Variants in UST observed in about 807,000 individuals in gnomAD.
The protein encoded by UST is uronyl 2-sulfotransferase, also known as chondroitin sulfate 2-O-sulfotransferase.
Under a neutral mutation model 45.6 loss-of-function variants are expected in UST, and 21 were observed. The ratio of observed to expected loss-of-function variants is 0.46; its 90% confidence interval spans 0.33 to 0.66. The LOEUF (loss-of-function observed/expected upper bound fraction) is 0.66. Ranked by LOEUF, UST falls within the 30% of genes least tolerant of loss-of-function variation. UST has a pLI of 0.02. For missense variants in UST, 463 were observed against 512.4 expected, an observed-to-expected ratio of 0.90 and a Z score of 0.93; for synonymous variants, 215 against 200.6, an observed-to-expected ratio of 1.07 and a Z score of -0.61.
At position 148,967,267 on chromosome 6, in the gene UST, G is replaced by A. The variant is rs148630389; in HGVS notation, c.681+2704G>A. On this transcript the variant is annotated intron_variant, in intron 5 of 7. Coordinates refer to ENST00000367463, the MANE Select transcript of UST (RefSeq NM_005715.3). The stretch of plus-strand genomic sequence containing the variant: ...AGATGAGGTCATCAGATCGATCCTT[G>A]GCAAGGCCCCAGCAGGAAAGCACTG... 2.3e-3 allele frequency among the ~76,000 whole-genome samples: 350 copies of A among 152,068 alleles called. 2 individuals carry two copies. Among genetic ancestry groups the A allele is most frequent in the African/African-American group, 7.9e-3 (328 of 41,474 alleles).
intron 1 of UST, among the ~76,000 whole-genome samples, chr6:148,802,982 T>C (rs1386866303): frequency 2.0e-5 from 3 of 152,200 alleles, no homozygotes; most frequent in Admixed American, 2.0e-4. Flanking sequence ...GGTAATTATT[T>C]TATATTATTG....
chr6:148,942,815 G>T (rs1336576718), intron 3 of UST, among the ~76,000 whole-genome samples: 6 of 152,038 alleles, frequency 3.9e-5, no homozygotes, highest in Non-Finnish European at 7.4e-5. Flanking sequence ...AGATCAAATT[G>T]CCCACTCCTT....
intron 5 of UST, among the ~76,000 whole-genome samples, chr6:149,002,245 AC>A (rs1016703232): frequency 1.3e-5 from 2 of 152,150 alleles, no homozygotes; most frequent in Non-Finnish European, 2.9e-5. Flanking sequence ...ACTCTATTAA[AC>A]CAACAGAAGA....
At position 148,748,025 on chromosome 6, in the gene UST, C is replaced by T. The variant is rs559945438; in HGVS notation, c.247+348C>T. Among the ~76,000 whole-genome samples the T allele has an allele frequency of 4.1e-3, 625 of 152,148 alleles. 12 individuals carry two copies. The highest frequency in any genetic ancestry group is 2.5e-3 in the Non-Finnish European group (172 of 67,984). On this transcript the variant is annotated intron_variant, in intron 1 of 7. Transcript: ENST00000367463. This position sits in a 1 kb window ranked among gnomAD's most constrained non-coding sequence, Gnocchi z 5.3. ...GTGCCGGAGTGTGTGTATCTTCAGGCCTGGCGGCGCGGGGAGTGGCGAAGG... is the reference window on the plus strand; with the variant it reads ...GTGCCGGAGTGTGTGTATCTTCAGGTCTGGCGGCGCGGGGAGTGGCGAAGG...
rs571632162 is a variant in UST at position 148,832,284 on chromosome 6, G to A, written c.248-54702G>A. On this transcript the variant is annotated intron_variant, in intron 1 of 7. Coordinates refer to ENST00000367463, the MANE Select transcript of UST (RefSeq NM_005715.3). ...ATTAATTGACTTTAAACCAAACACCGTAAATGTGTTCTTCCTGACTCTGAG... is the reference window on the plus strand; with the variant it reads ...ATTAATTGACTTTAAACCAAACACCATAAATGTGTTCTTCCTGACTCTGAG... 1.3e-4 allele frequency among the ~76,000 whole-genome samples: 20 copies of A among 152,240 alleles called. No homozygotes were observed. In the South Asian group the frequency reaches 2.1e-3, roughly 16 times the overall value.
chr6:149,052,119 A>G lies in UST; in HGVS notation c.938-21714A>G, dbSNP rs574160304. Among the ~76,000 whole-genome samples, 49 of 152,368 alleles carry G rather than the reference A, an allele frequency of 3.2e-4. 1 individual carries two copies. In the South Asian group the frequency reaches 4.8e-3, roughly 15 times the overall value. On this transcript the variant is annotated intron_variant, in intron 7 of 7. Coordinates refer to ENST00000367463, the MANE Select transcript of UST (RefSeq NM_005715.3). ...GAATCTTTACTTTCACTGAACCACC[A>G]GACCTTAAAATTTTATAGGAGCAGA...
intron 7 of UST, among the ~76,000 whole-genome samples, chr6:149,063,072 G>A (rs941462560): frequency 2.0e-5 from 3 of 152,196 alleles, no homozygotes; most frequent in Non-Finnish European, 2.9e-5. Context: ...GGGGCCAGCT[G>A]TTAGAAGAAT....
chr6:149,025,194 T>C (rs1258491174), intron 7 of UST, among the ~76,000 whole-genome samples: 4 of 152,248 alleles, frequency 2.6e-5, no homozygotes, highest in African/African-American at 4.8e-5. Context: ...GACAGGTTAA[T>C]AACCTTTCTC....
intron 1 of UST, among the ~76,000 whole-genome samples, chr6:148,873,141 T>C (rs1778589443): frequency 6.6e-6 from 1 of 152,236 alleles, no homozygotes; most frequent in South Asian, 2.1e-4. Context: ...CTTGCAATAA[T>C]GTGAATGGAT....
chr6:149,010,913 A>AAAAAAAAAAAAAAAAAAAAAAAAC (rs755674810), intron 5 of UST, among the ~76,000 whole-genome samples: 21 of 92,994 alleles, frequency 2.3e-4, no homozygotes, highest in African/African-American at 6.5e-4. Context: ...AAAAAAAAAA[A>AAAAAAAAAAAAAAAAAAAAAAAAC]AAAAAACTGT....
intron 1 of UST, among the ~76,000 whole-genome samples, chr6:148,751,954 A>G (rs1002671912): frequency 1.3e-5 from 2 of 152,242 alleles, no homozygotes; most frequent in African/African-American, 2.4e-5. Flanking sequence ...ACAACCGACA[A>G]ACTCTAATGA....
chr6:148,886,040 T>C (rs1294759008), intron 1 of UST, among the ~76,000 whole-genome samples: 1 of 152,240 alleles, frequency 6.6e-6, no homozygotes. Flanking sequence ...ACTGATTGCA[T>C]CTTTGGCTCC....
chr6:148,933,764 C>T (rs1433866036), intron 2 of UST, among the ~76,000 whole-genome samples: 2 of 151,750 alleles, frequency 1.3e-5, no homozygotes, highest in Admixed American at 6.6e-5. Flanking sequence ...GAGGCTTTGG[C>T]GATGATCTCA....
chr6:148,901,127 G>A (rs1239002396), intron 2 of UST, among the ~76,000 whole-genome samples: 4 of 152,210 alleles, frequency 2.6e-5, no homozygotes, highest in Non-Finnish European at 4.4e-5. Context: ...TTGGAGATGA[G>A]GACATGGGCA....
At chr6:148,839,845 T>C (rs965415290) in intron 1 of UST, among the ~76,000 whole-genome samples, 3 of 152,198 alleles carry the variant, frequency 2.0e-5, no homozygotes, top group African/African-American at 7.2e-5. Flanking sequence ...ATTGCTTCCA[T>C]TGTACAGAGA....
At chr6:149,015,884 G>A (rs1775889207) in intron 5 of UST, among the ~76,000 whole-genome samples, 1 of 152,214 alleles carries the variant, frequency 6.6e-6, no homozygotes, top group South Asian at 2.1e-4. Flanking sequence ...AGTTTCCCAG[G>A]AGGCTGAAAT....
intron 1 of UST, among the ~76,000 whole-genome samples, chr6:148,756,085 C>T (rs969780731): frequency 1.0e-4 from 15 of 150,228 alleles, no homozygotes; most frequent in Middle Eastern, 3.2e-3. Context: ...CAATTCCCAC[C>T]TATGAGTGAG....
chr6:148,969,505 A>G (rs746810434), intron 5 of UST, among the ~76,000 whole-genome samples: 35 of 152,320 alleles, frequency 2.3e-4, no homozygotes, highest in Non-Finnish European at 4.4e-4. Flanking sequence ...CAATGGGACC[A>G]TATTACCTAC....
At chr6:148,880,401 C>T (rs1778801305) in intron 1 of UST, among the ~76,000 whole-genome samples, 2 of 152,194 alleles carry the variant, frequency 1.3e-5, no homozygotes, top group Admixed American at 6.5e-5. Context: ...ATCCTGGCCT[C>T]CTAATTCCTA....
Sources: allele counts gnomAD v4.1 joint callset (sites outside exome capture counted in the v4.1 genomes callset), GRCh38; gene constraint gnomAD v4.1.1; non-coding constraint Gnocchi (gnomAD v3.1); transcripts MANE v1.5; gene names NCBI Gene and HGNC (gene_info 2026-07-23, HGNC 2026-07-21).